The following PACRG variants were observed in gnomAD, a reference collection of about 807,000 sequenced individuals.
The protein encoded by PACRG is parkin coregulated gene protein.
PACRG carries 29 observed loss-of-function variants against 29.7 expected under a neutral mutation model. The observed-to-expected ratio is 0.98, with a 90% CI of 0.73 to 1.33. The LOEUF (loss-of-function observed/expected upper bound fraction) is 1.33, where lower values mean the gene tolerates loss of function less well. Among genes scored for constraint, PACRG ranks in the 40% most tolerant of loss-of-function variants. PACRG has a pLI of 0.00. For synonymous variants in PACRG, 116 were observed against 118.7 expected, an observed-to-expected ratio of 0.98 and a Z score of 0.15; for missense variants, 279 against 316.2, an observed-to-expected ratio of 0.88 and a Z score of 0.89.
At chr6:163,250,894 T>TATATATATATATATATATATATATAG (rs1782876876) in intron 4 of PACRG, among the ~76,000 whole-genome samples, 1 of 150,092 alleles carries the variant, frequency 6.7e-6, no homozygotes, top group African/African-American at 2.5e-5. Flanking sequence ...TATATATATA[T>TATATATATATATATATATATATATAG]ATATATATAT....
intron 4 of PACRG, among the ~76,000 whole-genome samples, chr6:163,304,861 G>A (rs747104934): frequency 1.2e-4 from 18 of 152,156 alleles, no homozygotes; most frequent in Non-Finnish European, 1.8e-4. Context: ...GTTTTGAATC[G>A]GATCCATTAT....
At chr6:162,767,544 G>C (rs1178226084) in intron 1 of PACRG, among the ~76,000 whole-genome samples, 1 of 149,372 alleles carries the variant, frequency 6.7e-6, no homozygotes, top group Non-Finnish European at 1.5e-5. Flanking sequence ...TTTTGTTTTT[G>C]TGATTTTTTT....
chr6:163,190,561 A>G (rs1341254726), intron 4 of PACRG: 1 of 153,354 alleles, frequency 6.5e-6, no homozygotes, highest in African/African-American at 2.4e-5. Flanking sequence ...TTTCCTGTAA[A>G]TTTTGGATTT....
At chr6:163,279,390 C>A (rs1784154091) in intron 4 of PACRG, among the ~76,000 whole-genome samples, 1 of 152,248 alleles carries the variant, frequency 6.6e-6, no homozygotes, top group Non-Finnish European at 1.5e-5. Context: ...GATCTTCAAT[C>A]ATTTTACATT....
chr6:162,805,134 G>A (rs1284373549), intron 1 of PACRG, among the ~76,000 whole-genome samples: 1 of 152,102 alleles, frequency 6.6e-6, no homozygotes, highest in Non-Finnish European at 1.5e-5. Flanking sequence ...GGTATATGTG[G>A]TCCGTTGTTT....
chr6:162,888,085 G>A (rs1794488467), intron 2 of PACRG, among the ~76,000 whole-genome samples: 1 of 152,072 alleles, frequency 6.6e-6, no homozygotes, highest in Admixed American at 6.5e-5. Flanking sequence ...CTCATATGCT[G>A]GTGAGCATGG....
At chr6:162,933,074 A>G (rs1462901986) in intron 2 of PACRG, among the ~76,000 whole-genome samples, 1 of 152,020 alleles carries the variant, frequency 6.6e-6, no homozygotes, top group Non-Finnish European at 1.5e-5. Flanking sequence ...TATTTTCACT[A>G]GTTTCAAGAC....
chr6:163,059,638 G>A (rs1202358758), intron 2 of PACRG, among the ~76,000 whole-genome samples: 1 of 152,178 alleles, frequency 6.6e-6, no homozygotes, highest in Non-Finnish European at 1.5e-5. Context: ...TAGCCAGACT[G>A]CTTGGGCTTG....
intron 4 of PACRG, among the ~76,000 whole-genome samples, chr6:163,138,918 C>T (rs1817044063): frequency 6.6e-6 from 1 of 152,204 alleles, no homozygotes; most frequent in Non-Finnish European, 1.5e-5. Context: ...CCATTCCATA[C>T]ATCATTTCTA....
At chr6:162,896,162 T>A (rs1795149377) in intron 2 of PACRG, among the ~76,000 whole-genome samples, 1 of 152,206 alleles carries the variant, frequency 6.6e-6, no homozygotes, top group Non-Finnish European at 1.5e-5. Context: ...CACATGGCCA[T>A]GTGTTCTTGT....
In PACRG at chr6:163,315,123, T is replaced by C. The variant is rs112511432; in HGVS notation, c.*136T>C. 1.3e-5 allele frequency: 13 copies of C among 1,023,416 alleles called. No individual in the cohort carries two copies. Among genetic ancestry groups the C allele is most frequent in the African/African-American group, 9.7e-5 (6 of 62,012 alleles). The allele number at this position is 1,023,416 out of a possible 1,614,324, so 63.4% of individuals were successfully genotyped here. Reference sequence around the variant, plus strand: ...GCTAAAATAGTGGCTTATGGGCCATTGGACTGTTAGCCCTATTGAGAGCAA... The same window carrying C: ...GCTAAAATAGTGGCTTATGGGCCATCGGACTGTTAGCCCTATTGAGAGCAA... On this transcript the variant is annotated 3_prime_UTR_variant, in exon 5 of 5. Transcript: ENST00000366888.
chr6:162,807,817 A>G (rs1786486518), intron 1 of PACRG, among the ~76,000 whole-genome samples: 2 of 152,208 alleles, frequency 1.3e-5, no homozygotes. Context: ...CCTTCAATTT[A>G]CTAAATAAAC....
At chr6:163,135,744 G>A (rs80029610) in intron 4 of PACRG, among the ~76,000 whole-genome samples, 1 of 152,286 alleles carries the variant, frequency 6.6e-6, no homozygotes, top group African/African-American at 2.4e-5. Flanking sequence ...ATGGCTCTCC[G>A]ATCTACAAGC....
intron 4 of PACRG, among the ~76,000 whole-genome samples, chr6:163,147,549 A>G (rs1004949787): frequency 1.3e-5 from 2 of 152,118 alleles, no homozygotes; most frequent in African/African-American, 2.4e-5. Context: ...TTCTGACTAT[A>G]ATATTTTCTC....
intron 3 of PACRG, among the ~76,000 whole-genome samples, chr6:163,070,689 T>C (rs567352628): frequency 1.5e-4 from 23 of 151,478 alleles, no homozygotes; most frequent in Non-Finnish European, 3.4e-4. Flanking sequence ...AAAATGACCA[T>C]AGTGAGTCTT....
intron 2 of PACRG, among the ~76,000 whole-genome samples, chr6:162,866,201 G>A (rs1331458292): frequency 4.6e-5 from 7 of 152,102 alleles, no homozygotes; most frequent in Non-Finnish European, 4.4e-5. Flanking sequence ...ATGAGTGAGG[G>A]ATGAAAAATA....
At chr6:163,191,864 C>T (rs375856886) in intron 4 of PACRG, 23 of 422,610 alleles carry the variant, frequency 5.4e-5, no homozygotes, top group Middle Eastern at 6.9e-4. Context: ...AGCCACACCC[C>T]GCCTGGTGTC....
chr6:162,821,455 C>A (rs1442047177), intron 2 of PACRG, among the ~76,000 whole-genome samples: 1 of 152,206 alleles, frequency 6.6e-6, no homozygotes, highest in Non-Finnish European at 1.5e-5. Context: ...AGTTTCAGAT[C>A]TCAGTAGACT....
intron 2 of PACRG, among the ~76,000 whole-genome samples, chr6:162,825,016 T>G (rs759924942): frequency 6.6e-6 from 1 of 152,210 alleles, no homozygotes; most frequent in Admixed American, 6.5e-5. Flanking sequence ...TAAATGGTTA[T>G]CTATTTCAGG....
Sources: gnomAD v4.1 joint callset for allele counts (sites outside exome capture counted in the v4.1 genomes callset) on GRCh38, gnomAD v4.1.1 for gene constraint, MANE v1.5 for transcripts, NCBI Gene and HGNC (gene_info 2026-07-23, HGNC 2026-07-21) for gene names.